JAM3: variants seen among roughly 807,000 people sequenced by gnomAD.
JAM3 encodes the protein junctional adhesion molecule C.
JAM3 carries 31 observed loss-of-function variants against 39.4 expected under a neutral mutation model. The ratio of observed to expected loss-of-function variants is 0.79; its 90% CI spans 0.59 to 1.06. The LOEUF is 1.06. Ranked by LOEUF, JAM3 falls within the 50% of genes least tolerant of loss-of-function variation. The pLI is 0.00. For missense variants in JAM3, 455 were observed against 391.4 expected (o/e 1.16, Z -1.37); for synonymous variants, 182 against 148.7 (o/e 1.22, Z -1.63).
At position 134,085,799 on chromosome 11, in the gene JAM3, A is replaced by G. The variant is rs1382554203; in HGVS notation, c.76+16640A>G. On this transcript the variant is annotated intron_variant, in intron 1 of 8. Coordinates refer to ENST00000299106, the MANE Select transcript of JAM3 (RefSeq NM_032801.5). ...ATCATATACATACAAATATTCATTG[A>G]TAAGAGAACATCACAGTGTAAGGAG... Among the ~76,000 whole-genome samples, 3 of 152,334 alleles carry G rather than the reference A, an allele frequency of 2.0e-5. 1 individual carries two copies. The highest frequency in any genetic ancestry group is 4.1e-4 in the South Asian group (2 of 4,832).
chr11:134,108,774 G>T (rs763344672), intron 1 of JAM3, among the ~76,000 whole-genome samples: 3 of 152,098 alleles, frequency 2.0e-5, no homozygotes, highest in Admixed American at 6.6e-5. Context: ...TTTGGAATAG[G>T]AAGGAACTTC....
chr11:134,122,054 G>T (rs1942544314), intron 1 of JAM3, among the ~76,000 whole-genome samples: 1 of 152,128 alleles, frequency 6.6e-6, no homozygotes, highest in African/African-American at 2.4e-5. Flanking sequence ...TTAAGTCCCA[G>T]AAACAATTTC....
At position 134,111,225 on chromosome 11, in the gene JAM3, G is replaced by C. The variant is rs549793337; in HGVS notation, c.77-28626G>C. 1.6e-4 allele frequency among the ~76,000 whole-genome samples: 22 copies of C among 135,758 alleles called. 1 individual carries two copies. The highest frequency in any genetic ancestry group is 1.5e-3 in the East Asian group (7 of 4,590). 89.1% of individuals were successfully genotyped at this position (135,758 alleles called of 152,430 possible). A position where few individuals can be genotyped will look rare whatever the true frequency, so the allele number is the denominator to read the frequency against. On this transcript the variant is annotated intron_variant, in intron 1 of 8. Coordinates refer to ENST00000299106, the MANE Select transcript of JAM3 (RefSeq NM_032801.5). ...GTGGCGCGATCTCGGCTCACTGCAA[G>C]CTTCGCCTCCTGGGTTCACGCCATT...
chr11:134,129,352 G>C (rs956527104), intron 1 of JAM3, among the ~76,000 whole-genome samples: 1 of 151,992 alleles, frequency 6.6e-6, no homozygotes, highest in Non-Finnish European at 1.5e-5. Flanking sequence ...TCCTGACCTT[G>C]TTATCTGCCC....
intron 1 of JAM3, among the ~76,000 whole-genome samples, chr11:134,100,522 C>T (rs935652832): frequency 2.6e-5 from 4 of 152,112 alleles, no homozygotes; most frequent in Non-Finnish European, 4.4e-5. Context: ...TTTGAGTTAC[C>T]ACTGTATTTA....
At chr11:134,113,977 T>C (rs1376646849) in intron 1 of JAM3, among the ~76,000 whole-genome samples, 1 of 152,204 alleles carries the variant, frequency 6.6e-6, no homozygotes, top group African/African-American at 2.4e-5. Flanking sequence ...GTCTTTTGGC[T>C]GCATAAATGT....
chr11:134,137,737 C>A (rs1942894966), intron 1 of JAM3, among the ~76,000 whole-genome samples: 2 of 134,406 alleles, frequency 1.5e-5, no homozygotes, highest in Admixed American at 7.5e-5. Context: ...GTGGTGGCGT[C>A]TCGTCAAAGT....
At chr11:134,069,282 G>A in intron 1 of JAM3, 123 bp downstream of exon 1, 1 of 1,353,874 alleles carries the variant, frequency 7.4e-7, no homozygotes, top group Non-Finnish European at 1.0e-6. Flanking sequence ...GGCTCCCGGG[G>A]TCCCGGGCCG....
At chr11:134,097,722 T>A (rs1388159930) in intron 1 of JAM3, among the ~76,000 whole-genome samples, 5 of 152,194 alleles carry the variant, frequency 3.3e-5, no homozygotes, top group Admixed American at 3.3e-4. Flanking sequence ...AATGTTTACT[T>A]CAGGATAATG....
chr11:134,103,173 A>T (rs1451790021), intron 1 of JAM3, among the ~76,000 whole-genome samples: 1 of 152,224 alleles, frequency 6.6e-6, no homozygotes, highest in Non-Finnish European at 1.5e-5. Context: ...CTCGGCAGAA[A>T]CTCCGCAAAC....
chr11:134,120,275 G>A (rs183418282), intron 1 of JAM3, among the ~76,000 whole-genome samples: 207 of 152,372 alleles, frequency 1.4e-3, no homozygotes, highest in Non-Finnish European at 2.2e-3. Flanking sequence ...CAGCCTCGCA[G>A]TAATGCATGC....
Position 134,144,823 on chromosome 11 carries a change from G to A in JAM3, c.441G>A (p.Pro147=), listed in dbSNP as rs371009569. The change falls in exon 5 of 9, where the codon CCG becomes CCA. Residue 147 remains proline (P), a synonymous_variant. Coordinates refer to ENST00000299106, the MANE Select transcript of JAM3 (RefSeq NM_032801.5). ...VKPVTPVCRV[P]KAVPVGKMAT... is the part of the protein sequence containing the mutation. ...CAGTGACCCCTGTCTGTAGAGTGCC[G>A]AAGGCTGTACCAGTAGGCAAGATGG... is the stretch of plus-strand genomic sequence containing the variant. 22 of 1,613,964 alleles carry A rather than the reference G, an allele frequency of 1.4e-5. 1 individual carries two copies. Among genetic ancestry groups the A allele is most frequent in the African/African-American group, 1.3e-4 (10 of 74,886 alleles).
At chr11:134,130,219 TAC>T (rs1329800593) in intron 1 of JAM3, among the ~76,000 whole-genome samples, 1 of 152,150 alleles carries the variant, frequency 6.6e-6, no homozygotes, top group Non-Finnish European at 1.5e-5. Flanking sequence ...TTTACCGACT[TAC>T]AGTGAGAATG....
At chr11:134,135,701 A>C (rs1394236688) in intron 1 of JAM3, among the ~76,000 whole-genome samples, 1 of 151,718 alleles carries the variant, frequency 6.6e-6, no homozygotes, top group Non-Finnish European at 1.5e-5. Context: ...CGGCTAATAG[A>C]TTTTTATCTA....
intron 1 of JAM3, among the ~76,000 whole-genome samples, chr11:134,136,707 G>A (rs1942870915): frequency 6.6e-6 from 1 of 152,126 alleles, no homozygotes; most frequent in East Asian, 1.9e-4. Context: ...GGCATAAAAA[G>A]CTACCTGTAT....
At position 134,151,166 on chromosome 11, in the gene JAM3, C is replaced by G. The variant is rs927282352; in HGVS notation, c.*1985C>G. 6.6e-6 allele frequency: 1 copy of G among 152,252 alleles called. No individual in the cohort carries two copies. The highest frequency in any genetic ancestry group is 2.4e-5 in the African/African-American group (1 of 41,448). 9.4% of individuals were successfully genotyped at this position (152,252 alleles called of 1,614,324 possible). On this transcript the variant is annotated 3_prime_UTR_variant, in exon 9 of 9. Coordinates refer to ENST00000299106, the MANE Select transcript of JAM3 (RefSeq NM_032801.5). Reference sequence around the variant, plus strand: ...CACCTTGTCTTTCAGCTTCCAGTGTCTTGGGTTTTTTATACTTTGACAGCT... The same window carrying G: ...CACCTTGTCTTTCAGCTTCCAGTGTGTTGGGTTTTTTATACTTTGACAGCT...
chr11:134,131,575 G>A (rs574935616), intron 1 of JAM3, among the ~76,000 whole-genome samples: 5 of 152,188 alleles, frequency 3.3e-5, no homozygotes, highest in African/African-American at 9.6e-5. Flanking sequence ...TCATTTAAAG[G>A]AACTAAAGGG....
At chr11:134,134,904 C>G (rs1344684502) in intron 1 of JAM3, among the ~76,000 whole-genome samples, 1 of 152,018 alleles carries the variant, frequency 6.6e-6, no homozygotes, top group Admixed American at 6.6e-5. Flanking sequence ...ATGTTAATCC[C>G]TTATCATATA....
intron 1 of JAM3, among the ~76,000 whole-genome samples, chr11:134,087,101 G>C (rs2120617052): frequency 6.6e-6 from 1 of 152,078 alleles, no homozygotes; most frequent in African/African-American, 2.4e-5. Context: ...CACCACACCT[G>C]GCCAAGATTT....
Sources: gnomAD v4.1 joint callset for allele counts (sites outside exome capture counted in the v4.1 genomes callset) on GRCh38, gnomAD v4.1.1 for gene constraint, MANE v1.5 for transcripts, NCBI Gene and HGNC (gene_info 2026-07-23, HGNC 2026-07-21) for gene names.